The following WBP1 variants were observed in gnomAD, a reference collection of about 807,000 sequenced individuals.
WBP1 encodes WW domain-binding protein 1.
Under a neutral mutation model 25.6 loss-of-function variants are expected in WBP1, and 18 were observed. The ratio of observed to expected loss-of-function variants is 0.70; its 90% confidence interval spans 0.49 to 1.04. The LOEUF is 1.04. Among genes scored for constraint, WBP1 ranks in the 50% least tolerant of loss-of-function variants. The pLI, the probability that WBP1 is intolerant of heterozygous loss-of-function variation, is 0.00. For missense variants in WBP1, 330 were observed against 352.9 expected (o/e 0.94, Z 0.52); for synonymous variants, 122 against 137.7 (o/e 0.89, Z 0.80).
chr2:74,458,800 C>G (rs1266029504), intron 1 of WBP1, 129 bp downstream of exon 1: 1 of 1,526,008 alleles, frequency 6.6e-7, no homozygotes, highest in African/African-American at 1.4e-5. Context: ...AAACATGTCT[C>G]TTCCACTCTT....
chr2:74,460,497 C>T lies in WBP1; in HGVS notation c.626C>T (p.Thr209Ile). The T allele has an allele frequency of 6.2e-7, 1 of 1,613,624 alleles. No homozygotes were observed. The highest frequency in any genetic ancestry group is 8.5e-7 in the Non-Finnish European group (1 of 1,179,938). The change falls in exon 4 of 4, where the codon ACT becomes ATT. Residue 209 changes from threonine to isoleucine, a missense_variant. Coordinates refer to ENST00000233615, the MANE Select transcript of WBP1 (RefSeq NM_012477.4). Reference protein sequence around the residue: ...TPPSCRYRRLTGDSGIELCPC... With the variant: ...TPPSCRYRRLIGDSGIELCPC... The stretch of plus-strand genomic sequence containing the variant: ...CCCTCCTGCCGCTATCGCCGTTTAA[C>T]TGGCGACTCCGGTATTGAGCTCTGC...
At chr2:74,459,113 T>C (rs746406345) in intron 1 of WBP1, 2 of 1,543,510 alleles carry the variant, frequency 1.3e-6, no homozygotes, top group South Asian at 1.2e-5. Flanking sequence ...GGAGCACTGC[T>C]CTGGGTCTCA....
chr2:74,458,778 T>C, intron 1 of WBP1, 107 bp downstream of exon 1: 6 of 1,519,382 alleles, frequency 3.9e-6, no homozygotes, highest in Non-Finnish European at 5.3e-6. Flanking sequence ...CCAAAGGTAC[T>C]GTGAAGTTCC....
In WBP1 at chr2:74,460,792, T is replaced by C. The variant is rs1558563891; in HGVS notation, c.*111T>C. On this transcript the variant is annotated 3_prime_UTR_variant, in exon 4 of 4. Coordinates refer to ENST00000233615, the MANE Select transcript of WBP1 (RefSeq NM_012477.4). Reference sequence around the variant, plus strand: ...CTACCTAGAATCTGCCTGAAAGGGCTGGAGAGGGGCAGTATTGGGGGACTG... The same window carrying C: ...CTACCTAGAATCTGCCTGAAAGGGCCGGAGAGGGGCAGTATTGGGGGACTG... The C allele has an allele frequency of 2.0e-6, 2 of 978,732 alleles. No homozygotes were observed. The highest frequency in any genetic ancestry group is 3.0e-6 in the Non-Finnish European group (2 of 668,150). 60.6% of individuals were successfully genotyped at this position (978,732 alleles called of 1,614,324 possible).
Position 74,458,556 on chromosome 2 carries a change from C to T in WBP1, c.-47C>T. On this transcript the variant is annotated 5_prime_UTR_variant, in exon 1 of 4. Coordinates refer to ENST00000233615, the MANE Select transcript of WBP1 (RefSeq NM_012477.4). ...AGCAGAGGTGGCAGGGGCGGGGCGG[C>T]TGGCGGTAGAGGAGGCTGTGGTCCT... is the stretch of plus-strand genomic sequence containing the variant. 1 of 1,526,284 alleles carries T rather than the reference C, an allele frequency of 6.6e-7. No homozygotes were observed. The highest frequency in any genetic ancestry group is 8.8e-7 in the Non-Finnish European group (1 of 1,130,608). 94.5% of individuals were successfully genotyped at this position (1,526,284 alleles called of 1,614,324 possible).
At position 74,458,808 on chromosome 2, in the gene WBP1, CTT is replaced by C. The variant is rs978337563; in HGVS notation, c.69+139_69+140del. On this transcript the variant is annotated intron_variant, in intron 1 of 3. Coordinates refer to ENST00000233615, the MANE Select transcript of WBP1 (RefSeq NM_012477.4). ...AGTTCCTAAACATGTCTCTTCCACT[CTT>C]TGTCTAAACTTTGTAACGTAGATGC... 2.4e-5 allele frequency: 36 copies of C among 1,528,542 alleles called. No homozygotes were observed. In the African/African-American group the frequency reaches 2.6e-4, roughly 11 times the overall value. 94.7% of individuals were successfully genotyped at this position (1,528,542 alleles called of 1,614,324 possible).
intron 1 of WBP1, chr2:74,458,966 A>T: frequency 6.4e-7 from 1 of 1,550,594 alleles, no homozygotes; most frequent in South Asian, 1.2e-5. Flanking sequence ...GTTATTTGTG[A>T]TCTTTTTCTA....
intron 3 of WBP1, 56 bp downstream of exon 3, chr2:74,460,105 C>A: frequency 1.9e-6 from 3 of 1,595,902 alleles, no homozygotes; most frequent in Non-Finnish European, 2.6e-6. Flanking sequence ...AACCAGAACC[C>A]CAAATCGTCT....
Position 74,460,290 on chromosome 2 carries a change from C to T in WBP1, c.419C>T (p.Pro140Leu), listed in dbSNP as rs765325949. 16 of 1,614,002 alleles carry T rather than the reference C, an allele frequency of 9.9e-6. No homozygotes were observed. Among genetic ancestry groups the T allele is most frequent in the South Asian group, 7.7e-5 (7 of 91,084 alleles). ...VVHRPGTPPP[P>L]YTVAPGRPLT... ...CACCGCCCAGGCACACCACCCCCCC[C>T]TTATACTGTGGCCCCAGGCCGCCCC... The change falls in exon 4 of 4, where the codon CCT (proline) becomes CTT (leucine). Residue 140 changes from proline (P) to leucine (L), a missense_variant. Physicochemically the swap from Pro to Leu is moderately conservative, Grantham distance 98. Coordinates refer to ENST00000233615, the MANE Select transcript of WBP1 (RefSeq NM_012477.4).
In WBP1 at chr2:74,458,763, C is replaced by T. The variant is rs1218895357; in HGVS notation, c.69+92C>T. On this transcript the variant is annotated intron_variant, in intron 1 of 3. Coordinates refer to ENST00000233615, the MANE Select transcript of WBP1 (RefSeq NM_012477.4). ...CTTTTGGGGGTGGGGGAGGAACTCACGGAGCCAAAGGTACTGTGAAGTTCC... is the reference window on the plus strand; with the variant it reads ...CTTTTGGGGGTGGGGGAGGAACTCATGGAGCCAAAGGTACTGTGAAGTTCC... The T allele has an allele frequency of 3.0e-5, 45 of 1,519,824 alleles. No individual in the cohort carries two copies. The East Asian group carries it at 6.9e-4, about 23-fold the overall frequency. 94.1% of individuals were successfully genotyped at this position (1,519,824 alleles called of 1,614,324 possible).
chr2:74,459,241 C>A, intron 1 of WBP1: 1 of 1,223,976 alleles, frequency 8.2e-7, no homozygotes, highest in Non-Finnish European at 1.1e-6. Flanking sequence ...AAATGACCTA[C>A]CGCTACCCGT....
rs574091294 is a variant in WBP1, at chr2:74,460,282, A to G, written c.411A>G (p.Pro137=). 8 of 1,606,228 alleles carry G rather than the reference A, an allele frequency of 5.0e-6. No individual in the cohort carries two copies. The South Asian group carries it at 6.6e-5, about 13-fold the overall frequency. ...YEDVVHRPGT[P]PPPYTVAPGR... ...ATGTGGTTCACCGCCCAGGCACACC[A>G]CCCCCCCCTTATACTGTGGCCCCAG... Residue 137 remains proline, a synonymous_variant, in exon 4 of 4, where the codon CCA becomes CCG. Transcript: ENST00000233615.
At chr2:74,459,535 C>A (rs1188547422) in intron 1 of WBP1, 108 bp from the exon 2 acceptor site, 1 of 1,013,814 alleles carries the variant, frequency 9.9e-7, no homozygotes, top group Non-Finnish European at 1.5e-6. Flanking sequence ...TCTCTCCAAG[C>A]TGAACTTGGT....
In WBP1 at chr2:74,459,725, C is replaced by G. The variant is rs199793567; in HGVS notation, c.152C>G (p.Thr51Ser). ...GHCCGETGCC[T>S]YYYELWWFWL... ...TGCTGCGGGGAGACTGGCTGCTGCACCTACTACTATGAGCTCTGGTGTAAG... is the reference window on the plus strand; with the variant it reads ...TGCTGCGGGGAGACTGGCTGCTGCAGCTACTACTATGAGCTCTGGTGTAAG... Residue 51 changes from threonine to serine, a missense_variant, in exon 2 of 4, where the codon ACC becomes AGC. Transcript: ENST00000233615. The G allele has an allele frequency of 6.2e-7, 1 of 1,614,176 alleles. No homozygotes were observed. The highest frequency in any genetic ancestry group is 2.2e-5 in the East Asian group (1 of 44,886).
chr2:74,459,571 A>G (rs1483342718), intron 1 of WBP1, 72 bp from the exon 2 acceptor site: 1 of 1,407,866 alleles, frequency 7.1e-7, no homozygotes, highest in Admixed American at 1.7e-5. Context: ...GTGTATGTGC[A>G]TGCAGGAGGT....
In WBP1 at chr2:74,460,518, T is replaced by C. The variant is rs1476742176; in HGVS notation, c.647T>C (p.Leu216Pro). The change falls in exon 4 of 4, where the codon CTC (leucine) becomes CCC (proline). Residue 216 changes from leucine to proline, a missense_variant. Leu to Pro is a moderately conservative substitution (Grantham distance 98, BLOSUM62 -3). Transcript: ENST00000233615. ...RRLTGDSGIE[L>P]CPCPASGEGE... ...TTAACTGGCGACTCCGGTATTGAGCTCTGCCCTTGTCCTGCCTCCGGTGAG... is the reference window on the plus strand; with the variant it reads ...TTAACTGGCGACTCCGGTATTGAGCCCTGCCCTTGTCCTGCCTCCGGTGAG... The C allele has an allele frequency of 1.9e-6, 3 of 1,613,616 alleles. No individual in the cohort carries two copies. Among genetic ancestry groups the C allele is most frequent in the Non-Finnish European group, 2.5e-6 (3 of 1,179,964 alleles).
intron 1 of WBP1, chr2:74,459,201 G>A: frequency 2.0e-6 from 3 of 1,464,288 alleles, no homozygotes; most frequent in South Asian, 1.3e-5. Flanking sequence ...GTAGTGAACC[G>A]CGCAGGATAA....
At position 74,460,212 on chromosome 2, in the gene WBP1, C is replaced by T. The variant is rs1342020179; in HGVS notation, c.350-9C>T. 5 of 1,602,010 alleles carry T rather than the reference C, an allele frequency of 3.1e-6. No individual in the cohort carries two copies. Among genetic ancestry groups the T allele is most frequent in the Non-Finnish European group, 4.3e-6 (5 of 1,172,182 alleles). ...CTTCAACCAATCATGCCAATTTTCT[C>T]CCCTGCAGGCTTCCTCAGCACCTTC... is the stretch of plus-strand genomic sequence containing the variant. On this transcript the variant is annotated splice_polypyrimidine_tract_variant and intron_variant, in intron 3 of 3. Coordinates refer to ENST00000233615, the MANE Select transcript of WBP1 (RefSeq NM_012477.4).
chr2:74,460,153 C>A, intron 3 of WBP1, 68 bp from the exon 4 acceptor site: 2 of 1,551,656 alleles, frequency 1.3e-6, no homozygotes, highest in Non-Finnish European at 8.7e-7. Flanking sequence ...GTATTTTTCC[C>A]TAATATAAAA....
Sources: gnomAD v4.1 joint callset for allele counts on GRCh38, gnomAD v4.1.1 for gene constraint, MANE v1.5 for transcripts, NCBI Gene and HGNC (gene_info 2026-07-23, HGNC 2026-07-21) for gene names.